Variants in SORT1 observed in about 807,000 individuals in gnomAD.
SORT1 encodes sortilin 1.
SORT1 carries 39 observed loss-of-function variants against 101.7 expected under a neutral mutation model. That is an observed-to-expected ratio of 0.38 (90% CI 0.30 to 0.50). SORT1 has a LOEUF of 0.50. Among genes scored for constraint, SORT1 ranks in the 20% least tolerant of loss-of-function variants. The pLI is 0.90. For missense variants in SORT1, 878 were observed against 1,040.4 expected (o/e 0.84, Z 2.15); for synonymous variants, 396 against 393.7 (o/e 1.01, Z -0.07).
chr1:109,317,134 G>A (rs1647273754), intron 16 of SORT1, among the ~76,000 whole-genome samples, 176 bp from the exon 17 acceptor site: 1 of 152,114 alleles, frequency 6.6e-6, no homozygotes, highest in Non-Finnish European at 1.5e-5. Context: ...TGTAGTTTCA[G>A]GCCTTAAGCA....
At chr1:109,315,948 T>C (rs991877597) in intron 17 of SORT1, among the ~76,000 whole-genome samples, 2 of 151,480 alleles carry the variant, frequency 1.3e-5, no homozygotes, top group Non-Finnish European at 2.9e-5. Context: ...TTTGTAAAGA[T>C]GGAGTTTCTC....
At chr1:109,396,930 A>G (rs1229447009) in intron 1 of SORT1, among the ~76,000 whole-genome samples, 1 of 152,196 alleles carries the variant, frequency 6.6e-6, no homozygotes, top group East Asian at 1.9e-4. Flanking sequence ...TAATTTTGAA[A>G]GTCTTTTGAC....
chr1:109,317,510 G>A (rs1471418541), intron 16 of SORT1, among the ~76,000 whole-genome samples: 1 of 152,218 alleles, frequency 6.6e-6, no homozygotes, highest in Non-Finnish European at 1.5e-5. Context: ...AGCGATGGAC[G>A]TTCATGGCGG....
intron 3 of SORT1, 46 bp from the exon 4 acceptor site, chr1:109,355,515 G>C (rs775030775): frequency 2.4e-6 from 2 of 850,690 alleles, no homozygotes; most frequent in South Asian, 2.7e-5. Flanking sequence ...AGTGGTCATG[G>C]ATATTACTGA....
chr1:109,351,838 C>A (rs536961554), intron 5 of SORT1, among the ~76,000 whole-genome samples: 3 of 152,278 alleles, frequency 2.0e-5, no homozygotes, highest in Non-Finnish European at 4.4e-5. Context: ...GGAATGACTG[C>A]CACATTAGTT....
At chr1:109,374,274 T>C (rs1412353988) in intron 1 of SORT1, among the ~76,000 whole-genome samples, 2 of 152,062 alleles carry the variant, frequency 1.3e-5, no homozygotes, top group Admixed American at 1.3e-4. Flanking sequence ...AAAATTTTTT[T>C]AAAGACTTAA....
At chr1:109,362,666 G>A (rs72981185) in intron 3 of SORT1, among the ~76,000 whole-genome samples, 1 of 152,008 alleles carries the variant, frequency 6.6e-6, no homozygotes, top group Non-Finnish European at 1.5e-5. Flanking sequence ...AAAAATCACA[G>A]AACTTTTAAT....
chr1:109,321,225 G>GT (rs1472477539), intron 15 of SORT1, among the ~76,000 whole-genome samples: 1 of 152,146 alleles, frequency 6.6e-6, no homozygotes, highest in Non-Finnish European at 1.5e-5. Flanking sequence ...TTAAAATTTA[G>GT]TAAGTGCTGT....
intron 15 of SORT1, 114 bp downstream of exon 15, chr1:109,322,818 G>A (rs1647723226): frequency 1.2e-6 from 1 of 816,826 alleles, no homozygotes; most frequent in Non-Finnish European, 1.9e-6. Context: ...GGGATTACAG[G>A]TGTGAGCCAC....
At position 109,340,718 on chromosome 1, in the gene SORT1, ACT is replaced by A; in HGVS notation, c.1264+4_1264+5del. The A allele has an allele frequency of 1.2e-6, 2 of 1,613,950 alleles. No homozygotes were observed. The highest frequency in any genetic ancestry group is 1.7e-6 in the Non-Finnish European group (2 of 1,179,950). On this transcript the variant is annotated splice_donor_5th_base_variant and intron_variant, in intron 10 of 19. Coordinates refer to ENST00000256637, the MANE Select transcript of SORT1 (RefSeq NM_002959.7). ...CACAGTACACCACTGCGATGCCGAG[ACT>A]CACCTTCGGAGAGCACGCTTGTTAT...
intron 3 of SORT1, among the ~76,000 whole-genome samples, chr1:109,359,452 C>T (rs763878873): frequency 2.0e-5 from 3 of 152,118 alleles, no homozygotes; most frequent in Non-Finnish European, 4.4e-5. Context: ...GTCCTTCTCA[C>T]ATGCAAAATA....
intron 11 of SORT1, among the ~76,000 whole-genome samples, chr1:109,328,787 T>C (rs1279676896): frequency 6.6e-6 from 1 of 152,208 alleles, no homozygotes; most frequent in Non-Finnish European, 1.5e-5. Flanking sequence ...CAAGATGTGA[T>C]GGTGGTTCGA....
intron 17 of SORT1, 45 bp from the exon 18 acceptor site, chr1:109,314,823 T>G: frequency 9.3e-7 from 1 of 1,072,890 alleles, no homozygotes; most frequent in Non-Finnish European, 1.4e-6. Context: ...GGCATGCATA[T>G]CCTAGGACTG....
At chr1:109,328,948 C>T (rs1452524390) in intron 11 of SORT1, among the ~76,000 whole-genome samples, 2 of 152,142 alleles carry the variant, frequency 1.3e-5, no homozygotes, top group African/African-American at 2.4e-5. Flanking sequence ...ATCTACTTAC[C>T]GGGCTCCAGG....
At chr1:109,358,844 C>G (rs1423756643) in intron 3 of SORT1, among the ~76,000 whole-genome samples, 1 of 147,452 alleles carries the variant, frequency 6.8e-6, no homozygotes, top group Non-Finnish European at 1.5e-5. Flanking sequence ...CAGAGTGAGA[C>G]TCCGTCTTAA....
At chr1:109,321,988 C>T (rs958788797) in intron 15 of SORT1, among the ~76,000 whole-genome samples, 6 of 152,154 alleles carry the variant, frequency 3.9e-5, no homozygotes, top group African/African-American at 1.4e-4. Flanking sequence ...ATACTGATGT[C>T]ACCTCTAGTC....
intron 3 of SORT1, among the ~76,000 whole-genome samples, chr1:109,364,792 C>G (rs1650971727): frequency 6.6e-6 from 1 of 152,216 alleles, no homozygotes; most frequent in African/African-American, 2.4e-5. Context: ...CATGCCATCC[C>G]TGATCATTGG....
intron 3 of SORT1, among the ~76,000 whole-genome samples, chr1:109,356,717 T>C (rs1163274805): frequency 6.6e-6 from 1 of 152,222 alleles, no homozygotes; most frequent in Non-Finnish European, 1.5e-5. Context: ...ACAAACTTAA[T>C]CTCAACTCTC....
At chr1:109,327,659 A>G in intron 11 of SORT1, 58 bp from the exon 12 acceptor site, 1 of 1,155,204 alleles carries the variant, frequency 8.7e-7, no homozygotes, top group Non-Finnish European at 1.2e-6. Context: ...AATTTCTTTA[A>G]TCATTTCACA....
Sources: gnomAD v4.1 joint callset for allele counts (sites outside exome capture counted in the v4.1 genomes callset) on GRCh38, gnomAD v4.1.1 for gene constraint, MANE v1.5 for transcripts, NCBI Gene and HGNC (gene_info 2026-07-23, HGNC 2026-07-21) for gene names.